The following UHRF1 variants were observed in gnomAD, a reference collection of about 807,000 sequenced individuals.
The protein encoded by UHRF1 is ubiquitin like with PHD and ring finger domains 1, also known as E3 ubiquitin-protein ligase UHRF1.
In UHRF1, 9 loss-of-function variants were observed where a neutral mutation model predicts 96.5. That is an observed-to-expected ratio of 0.09 (90% confidence interval 0.06 to 0.16). UHRF1 has a LOEUF of 0.16. Among genes scored for constraint, UHRF1 ranks in the 10% least tolerant of loss-of-function variants. The pLI, the probability that UHRF1 is intolerant of heterozygous loss-of-function variation, is 1.00. For synonymous variants in UHRF1, 455 were observed against 469.9 expected (o/e 0.97, Z 0.41); for missense variants, 626 against 1,131.1 (o/e 0.55, Z 6.40).
chr19:4,920,680 A>C (rs1044161343), intron 2 of UHRF1, among the ~76,000 whole-genome samples: 2 of 152,182 alleles, frequency 1.3e-5, no homozygotes, highest in African/African-American at 4.8e-5. Context: ...CAGTCTGCCA[A>C]GCAGCTGGGA....
intron 1 of UHRF1, among the ~76,000 whole-genome samples, chr19:4,903,855 T>C (rs2032001763): frequency 1.3e-5 from 2 of 152,194 alleles, no homozygotes; most frequent in Non-Finnish European, 2.9e-5. Flanking sequence ...TGGTCTATAT[T>C]GGAAAAAACA....
At chr19:4,934,385 C>T (rs891391479) in intron 5 of UHRF1, among the ~76,000 whole-genome samples, 8 of 152,168 alleles carry the variant, frequency 5.3e-5, no homozygotes, top group Non-Finnish European at 1.0e-4. Context: ...TGGCATTAAA[C>T]GCATTTACGT....
intron 2 of UHRF1, among the ~76,000 whole-genome samples, chr19:4,926,083 G>T (rs925666531): frequency 4.0e-5 from 6 of 151,522 alleles, no homozygotes; most frequent in African/African-American, 1.5e-4. Flanking sequence ...TTTTAGTAGA[G>T]ACAGGTTTCA....
chr19:4,911,085 G>A (rs2032252134), intron 2 of UHRF1, 47 bp downstream of exon 2: 1 of 1,460,806 alleles, frequency 6.8e-7, no homozygotes, highest in Non-Finnish European at 9.1e-7. Flanking sequence ...TCCAGGCCTC[G>A]CGCCTCTGCA....
At chr19:4,932,547 A>G (rs1011860142) in intron 4 of UHRF1, 194 bp from the exon 5 acceptor site, 2 of 614,828 alleles carry the variant, frequency 3.3e-6, no homozygotes, top group Non-Finnish European at 5.7e-6. Context: ...TGCAGGGGAC[A>G]CGGGCAACCC....
At chr19:4,933,990 T>TGTGTGTGTGA (rs2033141743) in intron 5 of UHRF1, among the ~76,000 whole-genome samples, 2 of 145,528 alleles carry the variant, frequency 1.4e-5, no homozygotes, top group African/African-American at 5.0e-5. Context: ...TGTGTGTGTG[T>TGTGTGTGTGA]GTGTGTGATA....
intron 1 of UHRF1, chr19:4,910,135 G>T (rs1249799893): frequency 6.6e-6 from 1 of 152,154 alleles, no homozygotes; most frequent in Non-Finnish European, 1.5e-5. Flanking sequence ...CCCGGCGGCG[G>T]GGGTGGGCGT....
chr19:4,959,349 A>G lies in UHRF1; in HGVS notation c.2236-1308A>G, dbSNP rs73536520. Among the ~76,000 whole-genome samples, 134 of 152,254 alleles carry G rather than the reference A, an allele frequency of 8.8e-4. 1 individual carries two copies. The highest frequency in any genetic ancestry group is 3.2e-3 in the African/African-American group (131 of 41,570). The stretch of plus-strand genomic sequence containing the variant: ...TATCTTAAAAAAAAACAACAAAAAC[A>G]AAAGCCACAGGCTGCCTGGGGCAGG... On this transcript the variant is annotated intron_variant, in intron 16 of 16. Coordinates refer to ENST00000650932, the MANE Select transcript of UHRF1 (RefSeq NM_001048201.3).
intron 9 of UHRF1, among the ~76,000 whole-genome samples, chr19:4,944,654 G>C (rs1325644735): frequency 6.6e-6 from 1 of 152,172 alleles, no homozygotes; most frequent in Non-Finnish European, 1.5e-5. Flanking sequence ...GGGGGTGGGG[G>C]CTGCTGCTCT....
chr19:4,911,114 C>G, intron 2 of UHRF1, 76 bp downstream of exon 2: 1 of 1,353,790 alleles, frequency 7.4e-7, no homozygotes, highest in Non-Finnish European at 9.8e-7. Context: ...CCGATACTTT[C>G]TCCCTCCCAC....
At chr19:4,937,922 G>A (rs1449286723) in intron 5 of UHRF1, among the ~76,000 whole-genome samples, 1 of 152,112 alleles carries the variant, frequency 6.6e-6, no homozygotes, top group Non-Finnish European at 1.5e-5. Context: ...AGGCGGAGGT[G>A]GGCGGATCAC....
intron 5 of UHRF1, among the ~76,000 whole-genome samples, chr19:4,940,757 C>CTT (rs1051195419): frequency 1.3e-5 from 2 of 151,828 alleles, no homozygotes; most frequent in African/African-American, 4.8e-5. Context: ...ACTTCAGCGT[C>CTT]TGCCTCCTGG....
intron 2 of UHRF1, among the ~76,000 whole-genome samples, chr19:4,917,286 A>G (rs1205020991): frequency 3.3e-5 from 5 of 151,848 alleles, no homozygotes; most frequent in Admixed American, 2.0e-4. Flanking sequence ...AGGAATCAGC[A>G]AACTTAGTTA....
intron 1 of UHRF1, among the ~76,000 whole-genome samples, chr19:4,904,101 C>T (rs1412780452): frequency 6.6e-6 from 1 of 152,134 alleles, no homozygotes; most frequent in Non-Finnish European, 1.5e-5. Flanking sequence ...CTCAGCCTCC[C>T]AAGTAGCTGG....
In UHRF1 at chr19:4,941,560, T is replaced by C; in HGVS notation, c.818T>C (p.Phe273Ser). The change falls in exon 6 of 17, where the codon TTC (phenylalanine) becomes TCC (serine). Residue 273 changes from phenylalanine to serine, a missense_variant. Phe to Ser is a radical substitution (Grantham distance 155, BLOSUM62 -2). Coordinates refer to ENST00000650932, the MANE Select transcript of UHRF1 (RefSeq NM_001048201.3). ...TCTCTGAACGACTGTCGGATCATCT[T>C]CGTGGACGAAGTCTTCAAGATTGAG... ...DDSLNDCRII[F>S]VDEVFKIERP... is the part of the protein sequence containing the mutation. The C allele has an allele frequency of 6.2e-7, 1 of 1,613,772 alleles. No individual in the cohort carries two copies. Among genetic ancestry groups the C allele is most frequent in the Non-Finnish European group, 8.5e-7 (1 of 1,179,806 alleles).
chr19:4,959,166 C>T (rs939381362), intron 16 of UHRF1, among the ~76,000 whole-genome samples: 7 of 151,792 alleles, frequency 4.6e-5, no homozygotes, highest in African/African-American at 1.5e-4. Context: ...CCTGTCTCTA[C>T]TAAAAATACA....
At chr19:4,957,464 G>A (rs1283541068) in intron 16 of UHRF1, among the ~76,000 whole-genome samples, 4 of 151,702 alleles carry the variant, frequency 2.6e-5, no homozygotes, top group African/African-American at 9.7e-5. Flanking sequence ...GCCCGCCACC[G>A]TGCCCGGCTA....
rs757221764 is a variant in UHRF1, at chr19:4,944,241, C to T, written c.1183C>T (p.Arg395Trp). 1 of 1,614,026 alleles carries T rather than the reference C, an allele frequency of 6.2e-7. No individual in the cohort carries two copies. Among genetic ancestry groups the T allele is most frequent in the Non-Finnish European group, 8.5e-7 (1 of 1,179,882 alleles). The change falls in exon 8 of 17, where the codon CGG becomes TGG. Residue 395 changes from arginine to tryptophan, a missense_variant. By Grantham distance (101) the Arg-to-Trp change is moderately radical. Around this residue, in one of 11 missense-constraint regions of UHRF1, gnomAD observed 69 missense variants for 159.8 expected, o/e 0.43. Coordinates refer to ENST00000650932, the MANE Select transcript of UHRF1 (RefSeq NM_001048201.3). Reference sequence around the variant, plus strand: ...GGCCTCGGCCACATCGTCCTCACAGCGGGACTGGGGCAAGGTGAGGCGGGT... The same window carrying T: ...GGCCTCGGCCACATCGTCCTCACAGTGGGACTGGGGCAAGGTGAGGCGGGT... ...KMASATSSSQ[R>W]DWGKGMACVG...
intron 11 of UHRF1, among the ~76,000 whole-genome samples, chr19:4,948,800 T>A (rs1465540887): frequency 6.8e-6 from 1 of 147,712 alleles, no homozygotes; most frequent in African/African-American, 2.5e-5. Flanking sequence ...GGAGTGAGAC[T>A]CTATCTCAAG....
Sources: gnomAD v4.1 joint callset for allele counts (sites outside exome capture counted in the v4.1 genomes callset) on GRCh38, gnomAD v4.1.1 for gene constraint, gnomAD v4.1.1 regional missense constraint, MANE v1.5 for transcripts, NCBI Gene and HGNC (gene_info 2026-07-23, HGNC 2026-07-21) for gene names.